The following TINAG variants were observed in gnomAD, a reference collection of about 807,000 sequenced individuals.
TINAG encodes tubulointerstitial nephritis antigen.
TINAG carries 83 observed loss-of-function variants against 72.7 expected under a neutral mutation model. The observed-to-expected ratio is 1.14, with a 90% CI of 0.96 to 1.37. TINAG has a LOEUF of 1.37. Ranked by LOEUF, TINAG falls within the 40% of genes most tolerant of loss-of-function variation. The pLI, the probability that TINAG is intolerant of heterozygous loss-of-function variation, is 0.00. For missense variants in TINAG, 685 were observed against 576.6 expected (o/e 1.19, Z -1.93); for synonymous variants, 234 against 189.9 (o/e 1.23, Z -1.91).
chr6:54,361,619 C>G (rs891809162), intron 9 of TINAG, among the ~76,000 whole-genome samples: 3 of 151,680 alleles, frequency 2.0e-5, no homozygotes, highest in Non-Finnish European at 4.4e-5. Flanking sequence ...GGTGGGGACA[C>G]AGAGCCAAAC....
chr6:54,357,668 A>G (rs1763096096), intron 9 of TINAG, among the ~76,000 whole-genome samples: 1 of 151,718 alleles, frequency 6.6e-6, no homozygotes, highest in African/African-American at 2.4e-5. Flanking sequence ...GGCCCTTTCA[A>G]CGTATATCCA....
chr6:54,328,730 G>T (rs1293870586), intron 4 of TINAG, among the ~76,000 whole-genome samples: 1 of 151,812 alleles, frequency 6.6e-6, no homozygotes, highest in Non-Finnish European at 1.5e-5. Context: ...CTTGATAAAA[G>T]GTTACAGGAA....
chr6:54,335,411 A>G (rs939171923), intron 4 of TINAG, among the ~76,000 whole-genome samples: 1 of 152,192 alleles, frequency 6.6e-6, no homozygotes, highest in Admixed American at 6.5e-5. Flanking sequence ...AATTCCAGGA[A>G]AGCAATAAGA....
At position 54,308,682 on chromosome 6, in the gene TINAG, T is replaced by C. The variant is rs763088398; in HGVS notation, c.132T>C (p.Gly44=). ...CTAGGAATCACACCGTTTTGCAAGG[T>C]ACTCGATTCAAAAGAGCCATTTTCC... ...YFTRNHTVLQ[G]TRFKRAIFQG... is the part of the protein sequence containing the mutation. The change falls in exon 1 of 11, where the codon GGT becomes GGC. Residue 44 remains glycine, a synonymous_variant. Transcript: ENST00000259782. 1.9e-6 allele frequency: 3 copies of C among 1,613,738 alleles called. No individual in the cohort carries two copies. In the African/African-American group the frequency reaches 4.0e-5, roughly 22 times the overall value.
chr6:54,311,725 C>G (rs1446086231), intron 1 of TINAG, among the ~76,000 whole-genome samples: 1 of 152,122 alleles, frequency 6.6e-6, no homozygotes, highest in African/African-American at 2.4e-5. Context: ...ATATCAGGTA[C>G]AGCAAGTCAG....
chr6:54,351,755 A>G (rs914059240), intron 8 of TINAG, among the ~76,000 whole-genome samples: 1 of 151,926 alleles, frequency 6.6e-6, no homozygotes, highest in Non-Finnish European at 1.5e-5. Flanking sequence ...TTATTCAGTC[A>G]TATTTAAGAA....
intron 9 of TINAG, among the ~76,000 whole-genome samples, chr6:54,365,088 C>G (rs1763366139): frequency 6.6e-6 from 1 of 151,468 alleles, no homozygotes; most frequent in Non-Finnish European, 1.5e-5. Flanking sequence ...GCAAATTGAT[C>G]AATTCAGAGC....
At chr6:54,370,739 G>C (rs1763577667) in intron 9 of TINAG, among the ~76,000 whole-genome samples, 2 of 152,014 alleles carry the variant, frequency 1.3e-5, no homozygotes, top group African/African-American at 4.8e-5. Context: ...AGGTGCAGAG[G>C]GCCCTGGGGA....
At chr6:54,363,530 C>T (rs1191495765) in intron 9 of TINAG, among the ~76,000 whole-genome samples, 2 of 149,112 alleles carry the variant, frequency 1.3e-5, no homozygotes, top group East Asian at 2.0e-4. Flanking sequence ...TGGCAGGGAA[C>T]GGTGTCATAC....
At chr6:54,376,571 A>G (rs1763788669) in intron 9 of TINAG, among the ~76,000 whole-genome samples, 1 of 152,162 alleles carries the variant, frequency 6.6e-6, no homozygotes, top group African/African-American at 2.4e-5. Context: ...ATCATATGCA[A>G]ATTATTCTGT....
intron 6 of TINAG, among the ~76,000 whole-genome samples, chr6:54,349,310 G>A (rs1325806532): frequency 1.3e-5 from 2 of 151,734 alleles, no homozygotes; most frequent in Non-Finnish European, 2.9e-5. Flanking sequence ...TATCCCATCT[G>A]GAAATAGTCA....
intron 4 of TINAG, among the ~76,000 whole-genome samples, chr6:54,338,395 C>G (rs1443408487): frequency 6.6e-6 from 1 of 152,110 alleles, no homozygotes; most frequent in Non-Finnish European, 1.5e-5. Flanking sequence ...CTCTCCATGG[C>G]TGGGTCTGTC....
At chr6:54,357,287 G>C (rs1395162789) in intron 9 of TINAG, among the ~76,000 whole-genome samples, 2 of 151,636 alleles carry the variant, frequency 1.3e-5, no homozygotes, top group South Asian at 4.1e-4. Flanking sequence ...TTCTTCTCTT[G>C]CTTCTAGTCT....
At chr6:54,349,044 T>A (rs1785197637) in intron 6 of TINAG, among the ~76,000 whole-genome samples, 1 of 152,052 alleles carries the variant, frequency 6.6e-6, no homozygotes, top group South Asian at 2.1e-4. Flanking sequence ...CCGAATAATT[T>A]CTACTTTGCT....
intron 1 of TINAG, among the ~76,000 whole-genome samples, chr6:54,311,531 A>T (rs1784258448): frequency 6.6e-6 from 1 of 152,314 alleles, no homozygotes; most frequent in Admixed American, 6.5e-5. Context: ...TCTAACAATT[A>T]GTATTATCCA....
rs148488795 is a variant in TINAG at position 54,370,131 on chromosome 6, G to T, written c.1251-10395G>T. 2.1e-3 allele frequency among the ~76,000 whole-genome samples: 327 copies of T among 152,148 alleles called. 10 individuals are homozygous for T. The East Asian group carries it at 0.059, about 28-fold the overall frequency. ...ATGCCCAGTGAAGTCTGAAGAAAAA[G>T]AAATAAATAAATGACAGTTGGTTCT... On this transcript the variant is annotated intron_variant, in intron 9 of 10. Coordinates refer to ENST00000259782, the MANE Select transcript of TINAG (RefSeq NM_014464.4).
intron 4 of TINAG, among the ~76,000 whole-genome samples, chr6:54,335,913 G>T (rs1426614713): frequency 6.6e-6 from 1 of 152,084 alleles, no homozygotes; most frequent in East Asian, 1.9e-4. Context: ...AAATTTCCAT[G>T]CACCTCCTTC....
intron 4 of TINAG, among the ~76,000 whole-genome samples, chr6:54,328,236 T>G (rs548527383): frequency 2.8e-4 from 42 of 152,016 alleles, no homozygotes; most frequent in African/African-American, 9.6e-4. Flanking sequence ...TGGCATCCGG[T>G]GGGTGCTGCT....
At chr6:54,325,316 A>C (rs1194842187) in intron 3 of TINAG, among the ~76,000 whole-genome samples, 2 of 152,240 alleles carry the variant, frequency 1.3e-5, no homozygotes, top group Admixed American at 6.5e-5. Flanking sequence ...ATTCATATCT[A>C]TGTTCTCCGT....
Sources: gnomAD v4.1 joint callset for allele counts (sites outside exome capture counted in the v4.1 genomes callset) on GRCh38, gnomAD v4.1.1 for gene constraint, MANE v1.5 for transcripts, NCBI Gene and HGNC (gene_info 2026-07-23, HGNC 2026-07-21) for gene names.